The following IVD variants were observed in gnomAD, a reference collection of about 807,000 sequenced individuals.
IVD encodes isovaleryl-CoA dehydrogenase.
Under a neutral mutation model 51.3 loss-of-function variants are expected in IVD, and 31 were observed. The ratio of observed to expected loss-of-function variants is 0.60; its 90% CI spans 0.45 to 0.81. The LOEUF (loss-of-function observed/expected upper bound fraction) is 0.81, where lower values mean the gene tolerates loss of function less well. Among genes scored for constraint, IVD ranks in the 40% least tolerant of loss-of-function variants. IVD has a pLI of 0.00. For missense variants in IVD, 475 were observed against 552.0 expected (o/e 0.86, Z 1.40); for synonymous variants, 205 against 219.4 (o/e 0.93, Z 0.58).
intron 7 of IVD, among the ~76,000 whole-genome samples, chr15:40,431,567 C>T (rs948079595): frequency 4.6e-5 from 7 of 151,700 alleles, no homozygotes; most frequent in East Asian, 3.9e-4. Flanking sequence ...CAGTGGCGGG[C>T]GCCTGTAGTC....
chr15:40,418,029 C>T, intron 11 of IVD, 101 bp from the exon 12 acceptor site: 2 of 1,220,682 alleles, frequency 1.6e-6, no homozygotes, highest in Admixed American at 1.9e-5. Flanking sequence ...TCTTTAATCA[C>T]CCTCTCCTCC....
rs1304012315 is a variant in IVD at position 40,420,015 on chromosome 15, A to C, written c.*1752A>C. ...GTTACACAGAAGACTGAGGCAGGAG[A>C]ATCGCTTGAACGCAGGAGGCAGAGG... On this transcript the variant is annotated 3_prime_UTR_variant, in exon 12 of 12. Coordinates refer to ENST00000487418, the MANE Select transcript of IVD (RefSeq NM_002225.5). 2 of 427,618 alleles carry C rather than the reference A, an allele frequency of 4.7e-6. No homozygotes were observed. Among genetic ancestry groups the C allele is most frequent in the Non-Finnish European group, 6.3e-6 (2 of 319,962 alleles). 26.5% of individuals were successfully genotyped at this position (427,618 alleles called of 1,614,324 possible).
At chr15:40,430,999 TTGC>T (rs1298895752) in intron 7 of IVD, among the ~76,000 whole-genome samples, 2 of 152,126 alleles carry the variant, frequency 1.3e-5, no homozygotes, top group Admixed American at 6.6e-5. Flanking sequence ...TTTGAATGAG[TTGC>T]TAACAGACAT....
Position 40,411,650 on chromosome 15 carries a change from G to C in IVD, c.646G>C (p.Val216Leu), listed in dbSNP as rs1343378731. The change falls in exon 6 of 12, where the codon GTG becomes CTG. Residue 216 changes from valine (V) to leucine (L), a missense_variant. By Grantham distance (32) the Val-to-Leu change is conservative. Coordinates refer to ENST00000487418, the MANE Select transcript of IVD (RefSeq NM_002225.5). ...IVYAKTDLAAVPASRGITAFI... is the reference protein window; with the variant it reads ...IVYAKTDLAALPASRGITAFI... ...CTATGCCAAGACAGATCTGGCTGCT[G>C]TGCCAGCTTCTCGGGGCATCACAGC... The C allele has an allele frequency of 1.9e-6, 3 of 1,614,238 alleles. No homozygotes were observed. The Admixed American group carries it at 5.0e-5, about 27-fold the overall frequency.
chr15:40,427,700 TTACTA>T (rs909002152), downstream of IVD, among the ~76,000 whole-genome samples: 12 of 152,270 alleles, frequency 7.9e-5, no homozygotes, highest in African/African-American at 2.9e-4. Flanking sequence ...TAAGATAACT[TTACTA>T]TAAGATATAT....
chr15:40,425,440 CTATATATA>C (rs72252183), downstream of IVD, among the ~76,000 whole-genome samples: 204 of 137,440 alleles, frequency 1.5e-3, 1 homozygote, highest in East Asian at 6.8e-3. Context: ...TGGACTCATA[CTATATATA>C]TATATATATA....
At chr15:40,412,929 T>C (rs1012182878) in intron 6 of IVD, 62 bp from the exon 7 acceptor site, 2 of 1,401,474 alleles carry the variant, frequency 1.4e-6, no homozygotes, top group Admixed American at 1.7e-5. Context: ...CAGAGGCCTT[T>C]CCTTTACCAG....
chr15:40,434,956 T>C (rs1380885224), intron 8 of IVD, among the ~76,000 whole-genome samples: 3 of 152,150 alleles, frequency 2.0e-5, no homozygotes, highest in Non-Finnish European at 4.4e-5. Flanking sequence ...AAGTCAGTGT[T>C]GGGGGCTTGG....
chr15:40,413,236 C>T (rs1595779274), intron 7 of IVD, 149 bp downstream of exon 7: 4 of 706,420 alleles, frequency 5.7e-6, no homozygotes, highest in Non-Finnish European at 1.0e-5. Context: ...GCTGGGGCTG[C>T]TGGACAGCGC....
chr15:40,415,063 C>G, intron 8 of IVD, 81 bp downstream of exon 8: 1 of 1,538,406 alleles, frequency 6.5e-7, no homozygotes, highest in Non-Finnish European at 8.8e-7. Context: ...AGCAGCCTTC[C>G]CCTTGCGGGG....
intron 3 of IVD, among the ~76,000 whole-genome samples, chr15:40,409,965 T>C (rs1031760624): frequency 6.6e-6 from 1 of 151,730 alleles, no homozygotes; most frequent in Non-Finnish European, 1.5e-5. Context: ...GCCTCCCGAG[T>C]AGCTGGGACT....
At chr15:40,413,310 T>G (rs1210188770) in intron 7 of IVD, 1 of 580,226 alleles carries the variant, frequency 1.7e-6, no homozygotes, top group African/African-American at 1.9e-5. Context: ...GCATAGGGTC[T>G]GTACTCAGTA....
chr15:40,424,186 C>T, downstream of IVD: 1 of 1,288,250 alleles, frequency 7.8e-7, no homozygotes, highest in Non-Finnish European at 1.0e-6. Context: ...TATCAAGCTC[C>T]CCGCAAATTC....
At chr15:40,424,723 A>G (rs1304060529), downstream of IVD, among the ~76,000 whole-genome samples, 1 of 152,244 alleles carries the variant, frequency 6.6e-6, no homozygotes, top group African/African-American at 2.4e-5. Context: ...GAGTAGTCAC[A>G]TGACACTTAG....
At position 40,420,216 on chromosome 15, in the gene IVD, A is replaced by T; in HGVS notation, c.*1953A>T. ...GGAAGACTGGCTCCTCCTGTACAGCACCTCTGAGCCCTTGTGCACCGCCCT... is the reference window on the plus strand; with the variant it reads ...GGAAGACTGGCTCCTCCTGTACAGCTCCTCTGAGCCCTTGTGCACCGCCCT... On this transcript the variant is annotated 3_prime_UTR_variant, in exon 12 of 12. Transcript: ENST00000487418. 1 of 986,378 alleles carries T rather than the reference A, an allele frequency of 1.0e-6. No individual in the cohort carries two copies. The highest frequency in any genetic ancestry group is 1.2e-6 in the Non-Finnish European group (1 of 830,138). The allele number at this position is 986,378 out of a possible 1,614,324, so 61.1% of individuals were successfully genotyped here.
chr15:40,406,464 T>G, intron 1 of IVD: 1 of 683,470 alleles, frequency 1.5e-6, no homozygotes, highest in Non-Finnish European at 2.2e-6. Flanking sequence ...TTCAGCCCAT[T>G]GGGTCAAAAC....
At chr15:40,415,353 G>A (rs757967808) in intron 8 of IVD, 48 bp from the exon 9 acceptor site, 63 of 1,492,788 alleles carry the variant, frequency 4.2e-5, no homozygotes, top group Admixed American at 1.5e-4. Context: ...CACCACACCC[G>A]GTGGTGGGAT....
At chr15:40,406,748 C>T (rs946565521) in intron 1 of IVD, among the ~76,000 whole-genome samples, 13 of 152,154 alleles carry the variant, frequency 8.5e-5, no homozygotes, top group Admixed American at 1.3e-4. Flanking sequence ...CCAGCAACTC[C>T]GTAGTTTATG....
chr15:40,407,381 T>C (rs1342169223), intron 1 of IVD, among the ~76,000 whole-genome samples: 1 of 152,200 alleles, frequency 6.6e-6, no homozygotes, highest in African/African-American at 2.4e-5. Context: ...TTGTGTTTTA[T>C]TCTAAGTACA....
Sources: allele counts gnomAD v4.1 joint callset (sites outside exome capture counted in the v4.1 genomes callset), GRCh38; gene constraint gnomAD v4.1.1; transcripts MANE v1.5; gene names NCBI Gene and HGNC (gene_info 2026-07-23, HGNC 2026-07-21).